The following MSRA variants were observed in gnomAD, a reference collection of about 807,000 sequenced individuals.
The protein encoded by MSRA is methionine sulfoxide reductase A.
A neutral mutation model predicts 31.3 loss-of-function variants in MSRA; 54 were observed. The observed-to-expected ratio is 1.73, with a 90% CI of 1.39 to 2.17. The LOEUF is 2.17. Among genes scored for constraint, MSRA ranks in the 30% most tolerant of loss-of-function variants. The probability of loss-of-function intolerance (pLI) is 0.00; values close to 1 mark genes in which losing one functional copy is unlikely to be tolerated. For missense variants in MSRA, 507 were observed against 300.9 expected, an observed-to-expected ratio of 1.69 and a Z score of -5.07; for synonymous variants, 169 against 116.5, an observed-to-expected ratio of 1.45 and a Z score of -2.90.
intron 5 of MSRA, among the ~76,000 whole-genome samples, chr8:10,394,649 G>A (rs1806980950): frequency 6.6e-6 from 1 of 152,238 alleles, no homozygotes; most frequent in Non-Finnish European, 1.5e-5. Context: ...GCTGCTGAGA[G>A]AAGGCACCAA....
intron 2 of MSRA, among the ~76,000 whole-genome samples, chr8:10,214,347 C>T (rs899269279): frequency 6.6e-6 from 1 of 152,082 alleles, no homozygotes; most frequent in African/African-American, 2.4e-5. Context: ...TAAGATGAAC[C>T]AATCACAAGA....
Position 10,416,035 on chromosome 8 carries a change from C to T in MSRA, c.544-12113C>T, listed in dbSNP as rs112958426. Reference sequence around the variant, plus strand: ...CCTCTGGGTGGGGGACAGGAGTCCTCGTCACTCCCTGGGGTGTGGCTGTTG... The same window carrying T: ...CCTCTGGGTGGGGGACAGGAGTCCTTGTCACTCCCTGGGGTGTGGCTGTTG... On this transcript the variant is annotated intron_variant, in intron 5 of 5. Transcript: ENST00000317173. Among the ~76,000 whole-genome samples the T allele has an allele frequency of 7.7e-3, 1,169 of 152,188 alleles. 17 individuals carry two copies. Among genetic ancestry groups the T allele is most frequent in the African/African-American group, 0.027 (1,121 of 41,526 alleles).
Position 10,360,592 on chromosome 8 carries a change from A to G in MSRA, c.543+40603A>G, listed in dbSNP as rs140227251. ...TGCCGAACGTCTGACGGCACTTCAC[A>G]TATTGTTCTGTGTGCAACATGGATT... On this transcript the variant is annotated intron_variant, in intron 5 of 5. Transcript: ENST00000317173. 3.3e-3 allele frequency among the ~76,000 whole-genome samples: 502 copies of G among 152,318 alleles called. 3 individuals carry two copies. The highest frequency in any genetic ancestry group is 0.011 in the African/African-American group (471 of 41,574).
chr8:10,406,198 T>C (rs1175833931), intron 5 of MSRA, among the ~76,000 whole-genome samples: 2 of 152,146 alleles, frequency 1.3e-5, no homozygotes, highest in African/African-American at 4.8e-5. Context: ...TTCACAGCAG[T>C]GGTCTCGCAG....
At chr8:10,144,713 T>G (rs1019378922) in intron 1 of MSRA, among the ~76,000 whole-genome samples, 1 of 151,926 alleles carries the variant, frequency 6.6e-6, no homozygotes, top group Non-Finnish European at 1.5e-5. Context: ...TGTGAATAAT[T>G]ATGTTGATCC....
chr8:10,082,859 A>C (rs1405069770), intron 1 of MSRA, among the ~76,000 whole-genome samples: 1 of 152,254 alleles, frequency 6.6e-6, no homozygotes. Flanking sequence ...AAGTGCCGTG[A>C]ACAGAGTAGG....
chr8:10,227,556 A>G (rs1811105382), intron 2 of MSRA, among the ~76,000 whole-genome samples: 1 of 152,128 alleles, frequency 6.6e-6, no homozygotes, highest in Non-Finnish European at 1.5e-5. Context: ...CATACCTGGT[A>G]CTCTTCAGAG....
chr8:10,184,864 A>G (rs533135821), intron 1 of MSRA, among the ~76,000 whole-genome samples: 58 of 152,340 alleles, frequency 3.8e-4, no homozygotes, highest in African/African-American at 1.3e-3. Context: ...CTCACATTGT[A>G]CTGAAAAATA....
intron 5 of MSRA, among the ~76,000 whole-genome samples, chr8:10,415,112 G>A (rs1294916467): frequency 3.9e-5 from 6 of 152,194 alleles, no homozygotes; most frequent in Admixed American, 3.9e-4. Flanking sequence ...CAGAGCAAAT[G>A]GGTGGTTGCA....
At chr8:10,378,639 C>T (rs1233505528) in intron 5 of MSRA, among the ~76,000 whole-genome samples, 1 of 152,194 alleles carries the variant, frequency 6.6e-6, no homozygotes, top group East Asian at 1.9e-4. Flanking sequence ...GCTCCGCGTC[C>T]CTTCTTCACA....
At chr8:10,340,305 C>G (rs1009443525) in intron 5 of MSRA, among the ~76,000 whole-genome samples, 1 of 148,734 alleles carries the variant, frequency 6.7e-6, no homozygotes, top group Admixed American at 6.7e-5. Flanking sequence ...TTTTGACAAT[C>G]AAAAAAAAAA....
intron 1 of MSRA, among the ~76,000 whole-genome samples, chr8:10,197,617 G>A (rs906220717): frequency 6.6e-6 from 1 of 152,128 alleles, no homozygotes; most frequent in Admixed American, 6.5e-5. Flanking sequence ...ATGGGGTTTG[G>A]CTGAAATGCA....
chr8:10,054,855 T>G (rs1802236423), intron 1 of MSRA, among the ~76,000 whole-genome samples, 197 bp downstream of exon 1: 1 of 152,192 alleles, frequency 6.6e-6, no homozygotes, highest in Admixed American at 6.5e-5. Flanking sequence ...CCCTTTGTCT[T>G]TGTTTGGCTC....
chr8:10,143,516 T>C (rs1007865710), intron 1 of MSRA, among the ~76,000 whole-genome samples: 2 of 152,212 alleles, frequency 1.3e-5, no homozygotes, highest in Non-Finnish European at 2.9e-5. Context: ...TATATCCTTA[T>C]GGATTAAATC....
intron 1 of MSRA, among the ~76,000 whole-genome samples, chr8:10,193,628 A>G (rs962130862): frequency 2.6e-5 from 4 of 152,114 alleles, no homozygotes; most frequent in South Asian, 2.1e-4. Context: ...AAGATGTTCT[A>G]TTTCGCCTCC....
intron 1 of MSRA, among the ~76,000 whole-genome samples, chr8:10,200,962 A>G (rs1808442970): frequency 6.6e-6 from 1 of 152,068 alleles, no homozygotes; most frequent in Non-Finnish European, 1.5e-5. Context: ...CGCTGCAGAG[A>G]TGGGAGTGGC....
At chr8:10,307,945 A>G (rs906470214) in intron 4 of MSRA, among the ~76,000 whole-genome samples, 1 of 152,194 alleles carries the variant, frequency 6.6e-6, no homozygotes, top group African/African-American at 2.4e-5. Context: ...GCCTTAGTAG[A>G]AGTGACAGCG....
At chr8:10,330,006 A>ATGTGTG (rs72198519) in intron 5 of MSRA, among the ~76,000 whole-genome samples, 6,012 of 135,386 alleles carry the variant, frequency 0.044, 171 homozygotes, top group East Asian at 0.062. Context: ...AGAGAAAAAA[A>ATGTGTG]TGTGTGTGTG....
At chr8:10,331,195 C>G (rs1028745290) in intron 5 of MSRA, among the ~76,000 whole-genome samples, 4 of 152,200 alleles carry the variant, frequency 2.6e-5, no homozygotes, top group Non-Finnish European at 4.4e-5. Context: ...GTTATTGAAG[C>G]CACGTAGTCT....
Sources: allele counts gnomAD v4.1 joint callset (sites outside exome capture counted in the v4.1 genomes callset), GRCh38; gene constraint gnomAD v4.1.1; transcripts MANE v1.5; gene names NCBI Gene and HGNC (gene_info 2026-07-23, HGNC 2026-07-21).